The following BRAF variants were observed in gnomAD, a reference collection of about 807,000 sequenced individuals.
BRAF encodes the protein serine/threonine-protein kinase B-raf.
In BRAF, 16 loss-of-function variants were observed where a neutral mutation model predicts 104.6. The ratio of observed to expected loss-of-function variants is 0.15; its 90% confidence interval spans 0.10 to 0.23. BRAF has a LOEUF of 0.23. Ranked by LOEUF, BRAF falls within the 10% of genes least tolerant of loss-of-function variation. The pLI is 1.00. For synonymous variants in BRAF, 310 were observed against 341.6 expected (o/e 0.91, Z 1.02); for missense variants, 541 against 937.3 (o/e 0.58, Z 5.52).
chr7:140,762,705 T>A (rs1349014609), intron 14 of BRAF, among the ~76,000 whole-genome samples: 1 of 150,390 alleles, frequency 6.6e-6, no homozygotes, highest in African/African-American at 2.5e-5. Flanking sequence ...GGTCAGCAGA[T>A]AAACAAGTGA....
At chr7:140,835,919 G>A (rs1318740007) in intron 2 of BRAF, 1 of 152,194 alleles carries the variant, frequency 6.6e-6, no homozygotes, top group East Asian at 1.9e-4. Context: ...GGAGTTTACT[G>A]TTGGGCAGTG....
At chr7:140,753,430 A>G in intron 15 of BRAF, 37 bp from the exon 15 acceptor site, 1 of 1,331,454 alleles carries the variant, frequency 7.5e-7, no homozygotes, top group South Asian at 1.2e-5. Flanking sequence ...AGTAGATCTC[A>G]TTTTCCTATC....
intron 18 of BRAF, among the ~76,000 whole-genome samples, chr7:140,735,587 G>A (rs756420183): frequency 6.7e-6 from 1 of 148,598 alleles, no homozygotes; most frequent in Non-Finnish European, 1.5e-5. Flanking sequence ...ACGGAGTCTC[G>A]CTGTTGTCAA....
intron 1 of BRAF, among the ~76,000 whole-genome samples, chr7:140,870,552 T>C (rs1346899439): frequency 6.6e-6 from 1 of 151,956 alleles, no homozygotes; most frequent in East Asian, 1.9e-4. Flanking sequence ...TAGGTAATCT[T>C]AGTACTTCAA....
chr7:140,876,916 TA>T (rs1360210184), intron 1 of BRAF, among the ~76,000 whole-genome samples: 1 of 150,970 alleles, frequency 6.6e-6, no homozygotes, highest in African/African-American at 2.4e-5. Flanking sequence ...TTCACAAGCT[TA>T]AAAAAAAACC....
At chr7:140,920,150 A>G (rs151332704) in intron 1 of BRAF, among the ~76,000 whole-genome samples, 168 of 152,340 alleles carry the variant, frequency 1.1e-3, no homozygotes, top group Non-Finnish European at 2.0e-3. Flanking sequence ...TAAGGACAAT[A>G]TGAGGCAGAA....
Position 140,739,927 on chromosome 7 carries a change from C to T in BRAF, c.2132G>A (p.Arg711Gln), listed in dbSNP as rs397507485. Residue 711 changes from arginine (R) to glutamine (Q), a missense_variant, in exon 18 of 20, where the codon CGA (arginine) becomes CAA (glutamine). By Grantham distance (43) the Arg-to-Gln change is conservative. Coordinates refer to ENST00000644969, the MANE Select transcript of BRAF (RefSeq NM_001374258.1). Reference protein sequence around the residue: ...NRDQIIFMVGRGYLSPDLSKV... With the variant: ...NRDQIIFMVGQGYLSPDLSKV... Reference sequence around the variant, plus strand: ...ACTGAGATCTGGAGACAGGTATCCTCGTCCCACCATAAAAATTATCTGGAG... The same window carrying T: ...ACTGAGATCTGGAGACAGGTATCCTTGTCCCACCATAAAAATTATCTGGAG... The T allele has an allele frequency of 3.7e-6, 6 of 1,613,502 alleles. No homozygotes were observed. Among genetic ancestry groups the T allele is most frequent in the Non-Finnish European group, 5.1e-6 (6 of 1,179,826 alleles).
chr7:140,923,261 G>C (rs1818421491), intron 1 of BRAF, among the ~76,000 whole-genome samples: 1 of 152,048 alleles, frequency 6.6e-6, no homozygotes, highest in African/African-American at 2.4e-5. Flanking sequence ...ATAGTAAGTA[G>C]CAAAGAGAAC....
intron 3 of BRAF, among the ~76,000 whole-genome samples, chr7:140,811,686 T>C (rs1004340603): frequency 7.2e-5 from 11 of 152,176 alleles, no homozygotes; most frequent in Non-Finnish European, 2.9e-5. Context: ...CAATTAGATG[T>C]ACAAAAAATT....
At chr7:140,907,470 C>T (rs1477712627) in intron 1 of BRAF, among the ~76,000 whole-genome samples, 2 of 152,118 alleles carry the variant, frequency 1.3e-5, no homozygotes, top group Non-Finnish European at 2.9e-5. Flanking sequence ...ACTGTGTTAG[C>T]CAGGATGGTC....
At chr7:140,877,760 C>A (rs1335637730) in intron 1 of BRAF, among the ~76,000 whole-genome samples, 1 of 151,932 alleles carries the variant, frequency 6.6e-6, no homozygotes, top group East Asian at 1.9e-4. Flanking sequence ...AAAAAATGAA[C>A]CAATTCCTCA....
Position 140,902,920 on chromosome 7 carries a change from C to CTT in BRAF, c.138+21644_138+21645dup, listed in dbSNP as rs111746402. Among the ~76,000 whole-genome samples, 115 of 125,488 alleles carry CTT rather than the reference C, an allele frequency of 9.2e-4. 2 individuals are homozygous for CTT. Among genetic ancestry groups the CTT allele is most frequent in the African/African-American group, 2.2e-3 (69 of 30,806 alleles). The allele number at this position is 125,488 out of a possible 152,430, so 82.3% of individuals were successfully genotyped here. ...TTCAAAGCTTCAAAGGACAGGATGA[C>CTT]TTTTTTTTTTTTTTTTTTTTTGAGA... On this transcript the variant is annotated intron_variant, in intron 1 of 19. Transcript: ENST00000644969.
intron 2 of BRAF, among the ~76,000 whole-genome samples, chr7:140,837,606 T>G (rs1402725988): frequency 6.6e-6 from 1 of 152,230 alleles, no homozygotes. Flanking sequence ...TACCACACAC[T>G]GTTGGAGAAA....
chr7:140,763,489 G>C (rs1377354044), intron 14 of BRAF, among the ~76,000 whole-genome samples: 1 of 152,036 alleles, frequency 6.6e-6, no homozygotes, highest in South Asian at 2.1e-4. Context: ...CTTCCCGGAC[G>C]GGGCGGCTGG....
In BRAF at chr7:140,721,005, CA is replaced by C. The variant is rs1054057249; in HGVS notation, c.*5488del. The C allele has an allele frequency of 6.3e-5, 67 of 1,063,868 alleles. No individual in the cohort carries two copies. The African/African-American group carries it at 9.7e-4, about 15-fold the overall frequency. The allele number at this position is 1,063,868 out of a possible 1,614,324, so 65.9% of individuals were successfully genotyped here. On this transcript the variant is annotated 3_prime_UTR_variant, in exon 20 of 20. Transcript: ENST00000644969. ...GGGAGAAGCAGATGGTTTGTACAAA[CA>C]TTTTTTGATACTACCATGAATAAAC...
rs1487604495 is a variant in BRAF, at chr7:140,777,094, C to T, written c.1638-6G>A. 1.9e-6 allele frequency: 3 copies of T among 1,612,942 alleles called. No homozygotes were observed. The highest frequency in any genetic ancestry group is 2.2e-5 in the South Asian group (2 of 91,030). On this transcript the variant is annotated splice_region_variant and splice_polypyrimidine_tract_variant and intron_variant, in intron 13 of 19. Coordinates refer to ENST00000644969, the MANE Select transcript of BRAF (RefSeq NM_001374258.1). Reference sequence around the variant, plus strand: ...TATTCACATGTCGTGTTTTCCTGTACAAAGAAATGTGACAGTAAACATTAA... The same window carrying T: ...TATTCACATGTCGTGTTTTCCTGTATAAAGAAATGTGACAGTAAACATTAA...
chr7:140,863,162 T>C (rs982981873), intron 1 of BRAF, among the ~76,000 whole-genome samples: 1 of 151,762 alleles, frequency 6.6e-6, no homozygotes, highest in Non-Finnish European at 1.5e-5. Context: ...TTTATAAAGA[T>C]AAAACAAATG....
chr7:140,864,012 C>G (rs1030095754), intron 1 of BRAF, among the ~76,000 whole-genome samples: 1 of 152,178 alleles, frequency 6.6e-6, no homozygotes, highest in Admixed American at 6.5e-5. Flanking sequence ...TTGCTCAAGG[C>G]CACTCAGCTA....
At chr7:140,770,954 A>G (rs1799789817) in intron 14 of BRAF, among the ~76,000 whole-genome samples, 1 of 151,814 alleles carries the variant, frequency 6.6e-6, no homozygotes, top group African/African-American at 2.4e-5. Context: ...AAAAACCAAA[A>G]AAGAAGATGA....
Sources: gnomAD v4.1 joint callset for allele counts (sites outside exome capture counted in the v4.1 genomes callset) on GRCh38, gnomAD v4.1.1 for gene constraint, MANE v1.5 for transcripts, NCBI Gene and HGNC (gene_info 2026-07-23, HGNC 2026-07-21) for gene names.